MED20: variants seen among roughly 807,000 people sequenced by gnomAD.
MED20 encodes the protein mediator complex subunit 20, also known as mediator of RNA polymerase II transcription subunit 20.
A neutral mutation model predicts 19.7 loss-of-function variants in MED20; 19 were observed. That is an observed-to-expected ratio of 0.96 (90% confidence interval 0.67 to 1.42). The LOEUF is 1.42. Ranked by LOEUF, MED20 falls within the 40% of genes most tolerant of loss-of-function variation. MED20 has a pLI of 0.00. For missense variants in MED20, 225 were observed against 273.0 expected, an observed-to-expected ratio of 0.82 and a Z score of 1.24; for synonymous variants, 105 against 104.8, an observed-to-expected ratio of 1.00 and a Z score of -0.01.
rs531176755 is a variant in MED20, at chr6:41,920,994, T to G, written c.14+11A>C. 30 of 1,611,932 alleles carry G rather than the reference T, an allele frequency of 1.9e-5. No homozygotes were observed. The African/African-American group carries it at 1.9e-4, about 10-fold the overall frequency. On this transcript the variant is annotated intron_variant, in intron 1 of 3. Transcript: ENST00000265350. ...CCAAGCCCCGCCCCACAAAACCCCC[T>G]GCAGTCCTACCAAGTCACTCCCATG...
At chr6:41,916,317 C>T (rs1582062157) in intron 2 of MED20, among the ~76,000 whole-genome samples, 1 of 151,904 alleles carries the variant, frequency 6.6e-6, no homozygotes, top group East Asian at 1.9e-4. Context: ...CAGTGGCTCA[C>T]GCCTGTAATC....
Position 41,916,888 on chromosome 6 carries a change from C to T in MED20, c.66G>A (p.Glu22=). The T allele has an allele frequency of 6.2e-7, 1 of 1,614,092 alleles. No homozygotes were observed. The highest frequency in any genetic ancestry group is 1.1e-5 in the South Asian group (1 of 91,080). ...AEGKSVQQTV[E]LLTRKLEMLG... is the part of the protein sequence containing the mutation. The stretch of plus-strand genomic sequence containing the variant: ...GCATCTCCAATTTCCGGGTAAGGAG[C>T]TCTACGGTTTGCTGAACACTCTTGC... Residue 22 remains glutamate, a synonymous_variant, in exon 2 of 4, where the codon GAG becomes GAA. Coordinates refer to ENST00000265350, the MANE Select transcript of MED20 (RefSeq NM_004275.5).
rs1172948086 is a variant in MED20 at position 41,916,689 on chromosome 6, C to T, written c.169+96G>A. ...ACATCTCGCCACATGTTTAAGAATA[C>T]CACCTTTAGCAGAAAAGCAGAAAGA... On this transcript the variant is annotated intron_variant, in intron 2 of 3. Transcript: ENST00000265350. 6 of 1,466,710 alleles carry T rather than the reference C, an allele frequency of 4.1e-6. No individual in the cohort carries two copies. The African/African-American group carries it at 5.6e-5, about 14-fold the overall frequency. 90.9% of individuals were successfully genotyped at this position (1,466,710 alleles called of 1,614,324 possible). A position where few individuals can be genotyped will look rare whatever the true frequency, so the allele number is the denominator to read the frequency against.
rs1297692874 is a variant in MED20 at position 41,907,132 on chromosome 6, G to A, written c.579C>T (p.Tyr193=). ...TGCGGATCTTGTTGAAGAGTTCCAT[G>A]TACTGGACCATGGTATCTGCTGGGC... The part of the protein sequence containing the change: ...VYGPADTMVQ[Y]MELFNKIRKQ... Residue 193 remains tyrosine, a synonymous_variant, in exon 4 of 4, where the codon TAC becomes TAT. Transcript: ENST00000265350. 8.7e-6 allele frequency: 14 copies of A among 1,614,022 alleles called. No homozygotes were observed. Among genetic ancestry groups the A allele is most frequent in the South Asian group, 1.1e-5 (1 of 91,076 alleles).
Position 41,906,880 on chromosome 6 carries a change from G to A in MED20, c.*192C>T, listed in dbSNP as rs1258897900. 2.4e-5 allele frequency: 14 copies of A among 588,312 alleles called. No individual in the cohort carries two copies. Among genetic ancestry groups the A allele is most frequent in the Admixed American group, 1.8e-4 (6 of 33,622 alleles). The allele number at this position is 588,312 out of a possible 1,614,324, so 36.4% of individuals were successfully genotyped here. A position where few individuals can be genotyped will look rare whatever the true frequency, so the allele number is the denominator to read the frequency against. ...GGCACGGAGTAAAACAGCTGATGGG[G>A]GGCTATGTGTGAGAGTCAGGGGGTT... On this transcript the variant is annotated 3_prime_UTR_variant, in exon 4 of 4. Coordinates refer to ENST00000265350, the MANE Select transcript of MED20 (RefSeq NM_004275.5).
At chr6:41,920,491 C>T in intron 1 of MED20, among the ~76,000 whole-genome samples, 1 of 152,204 alleles carries the variant, frequency 6.6e-6, no homozygotes, top group East Asian at 1.9e-4. Context: ...GTACTATGGC[C>T]TCACGGGAAG....
In MED20 at chr6:41,916,923, C is replaced by G; in HGVS notation, c.31G>C (p.Val11Leu). 6.2e-7 allele frequency: 1 copy of G among 1,614,014 alleles called. No individual in the cohort carries two copies. The highest frequency in any genetic ancestry group is 8.5e-7 in the Non-Finnish European group (1 of 1,179,978). MGVTCVSQMP[V>L]AEGKSVQQTV... ...TGCTGAACACTCTTGCCCTCGGCCA[C>G]AGGCATCTGGGACACACTGGAAAGG... The change falls in exon 2 of 4, where the codon GTG becomes CTG. Residue 11 changes from valine to leucine, a missense_variant. Coordinates refer to ENST00000265350, the MANE Select transcript of MED20 (RefSeq NM_004275.5).
At position 41,909,378 on chromosome 6, in the gene MED20, G is replaced by A; in HGVS notation, c.314C>T (p.Ala105Val). 6.2e-7 allele frequency: 1 copy of A among 1,614,148 alleles called. No individual in the cohort carries two copies. Among genetic ancestry groups the A allele is most frequent in the Non-Finnish European group, 8.5e-7 (1 of 1,180,034 alleles). The change falls in exon 3 of 4, where the codon GCT becomes GTT. Residue 105 changes from alanine to valine, a missense_variant. Transcript: ENST00000265350. ...CCGGGTCTCAATCTTGCTGGCCTTA[G>A]CACTCTGGAAAAAGCCCTTGAGCTT... The part of the protein sequence containing the change: ...MVKLKGFFQS[A>V]KASKIETRGT...
intron 2 of MED20, among the ~76,000 whole-genome samples, chr6:41,911,571 T>A (rs952255184): frequency 3.3e-5 from 5 of 151,756 alleles, no homozygotes; most frequent in Admixed American, 2.6e-4. Flanking sequence ...AATGAACAAG[T>A]CAGCAGGAAA....
chr6:41,912,544 A>G (rs2127377468), intron 2 of MED20, among the ~76,000 whole-genome samples: 1 of 151,868 alleles, frequency 6.6e-6, no homozygotes, highest in African/African-American at 2.4e-5. Flanking sequence ...TTTAGTAGAG[A>G]CAGGGTTTCC....
intron 1 of MED20, among the ~76,000 whole-genome samples, chr6:41,919,083 C>T: frequency 7.0e-6 from 1 of 143,548 alleles, no homozygotes; most frequent in South Asian, 2.2e-4. Flanking sequence ...GAGCCGAGAT[C>T]ACGCCACTGC....
At chr6:41,917,617 C>T (rs962288349) in intron 1 of MED20, 3 of 379,064 alleles carry the variant, frequency 7.9e-6, no homozygotes, top group African/African-American at 2.1e-5. Flanking sequence ...CGCACCAGGG[C>T]AATGAACTTC....
intron 3 of MED20, among the ~76,000 whole-genome samples, chr6:41,908,569 A>G (rs921691908): frequency 1.3e-5 from 2 of 152,262 alleles, no homozygotes; most frequent in Admixed American, 6.5e-5. Flanking sequence ...AAGGAAAGGT[A>G]TATGGGCATA....
intron 2 of MED20, among the ~76,000 whole-genome samples, chr6:41,910,389 T>C (rs1775160645): frequency 6.6e-6 from 1 of 152,038 alleles, no homozygotes; most frequent in South Asian, 2.1e-4. Flanking sequence ...CCCAACACTT[T>C]GGGAGGCTGA....
At chr6:41,913,569 C>G (rs1389224796) in intron 2 of MED20, among the ~76,000 whole-genome samples, 1 of 152,150 alleles carries the variant, frequency 6.6e-6, no homozygotes, top group Non-Finnish European at 1.5e-5. Context: ...GATAAAAGAG[C>G]TCAGTACAAC....
intron 1 of MED20, 44 bp downstream of exon 1, chr6:41,920,961 T>C (rs772032957): frequency 1.3e-6 from 2 of 1,598,344 alleles, no homozygotes; most frequent in Admixed American, 1.7e-5. Flanking sequence ...TTCCGGCCTT[T>C]CACAACTCCA....
rs769230044 is a variant in MED20 at position 41,916,934 on chromosome 6, GACAC to G, written c.16_19del (p.Val6ProfsTer15). The G allele has an allele frequency of 6.2e-7, 1 of 1,613,938 alleles. No individual in the cohort carries two copies. Among genetic ancestry groups the G allele is most frequent in the Non-Finnish European group, 8.5e-7 (1 of 1,179,960 alleles). On this transcript the variant is annotated frameshift_variant and splice_region_variant, in exon 2 of 4. Coordinates refer to ENST00000265350, the MANE Select transcript of MED20 (RefSeq NM_004275.5). LOFTEE classifies it high-confidence loss of function. ...CTTGCCCTCGGCCACAGGCATCTGG[GACAC>G]ACTGGAAAGGAGAGCACCAAATCGT...
At chr6:41,919,331 TA>T (rs1163911801) in intron 1 of MED20, among the ~76,000 whole-genome samples, 6 of 152,012 alleles carry the variant, frequency 3.9e-5, no homozygotes, top group Non-Finnish European at 5.9e-5. Flanking sequence ...GAAAATCGAT[TA>T]AAAAATTAAT....
chr6:41,909,180 A>G, intron 3 of MED20, 89 bp downstream of exon 3: 1 of 1,512,786 alleles, frequency 6.6e-7, no homozygotes, highest in Non-Finnish European at 8.8e-7. Context: ...TCTCAAAAAA[A>G]AAAAAAGAGA....
Sources: allele counts gnomAD v4.1 joint callset (sites outside exome capture counted in the v4.1 genomes callset), GRCh38; gene constraint gnomAD v4.1.1; transcripts MANE v1.5; gene names NCBI Gene and HGNC (gene_info 2026-07-23, HGNC 2026-07-21).